The following SLC12A1 variants were observed in gnomAD, a reference collection of about 807,000 sequenced individuals.
SLC12A1 encodes the protein solute carrier family 12 member 1, also known as Na-K-2Cl cotransporter.
In SLC12A1, 89 loss-of-function variants were observed where a neutral mutation model predicts 130.4. The ratio of observed to expected loss-of-function variants is 0.68; its 90% CI spans 0.58 to 0.81. The LOEUF (loss-of-function observed/expected upper bound fraction) is 0.81, where lower values mean the gene tolerates loss of function less well. Among genes scored for constraint, SLC12A1 ranks in the 40% least tolerant of loss-of-function variants. The pLI is 0.00. For missense variants in SLC12A1, 1,310 were observed against 1,336.4 expected (o/e 0.98, Z 0.31); for synonymous variants, 499 against 460.0 (o/e 1.08, Z -1.09).
chr15:48,262,421 G>GATTTGAAATTAATTTCAAATAATCATT (rs1245248030), intron 17 of SLC12A1, among the ~76,000 whole-genome samples: 74 of 152,242 alleles, frequency 4.9e-4, no homozygotes, highest in African/African-American at 1.3e-3. Flanking sequence ...ATCATTATTT[G>GATTTGAAATTAATTTCAAATAATCATT]ATTTGAAATT....
intron 19 of SLC12A1, among the ~76,000 whole-genome samples, 166 bp from the exon 20 acceptor site, chr15:48,274,405 G>A (rs1016185676): frequency 6.6e-6 from 1 of 152,034 alleles, no homozygotes; most frequent in Non-Finnish European, 1.5e-5. Flanking sequence ...AAACGCATAG[G>A]GGAAGAACAA....
chr15:48,259,206 G>T lies in SLC12A1; in HGVS notation c.2049G>T (p.Gln683His), dbSNP rs865827656. The change falls in exon 17 of 27, where the codon CAG becomes CAT. Residue 683 changes from glutamine to histidine, a missense_variant. Coordinates refer to ENST00000380993, the MANE Select transcript of SLC12A1 (RefSeq NM_000338.3). ...ATCTTTTTTTTACTTCCAGGCCCCA[G>T]TGCATTGTCTTAACAGGGGGACCCA... ...VEDHVKNFRPQCIVLTGGPMT... is the reference protein window; with the variant it reads ...VEDHVKNFRPHCIVLTGGPMT... The T allele has an allele frequency of 1.9e-6, 3 of 1,608,752 alleles. No individual in the cohort carries two copies. The highest frequency in any genetic ancestry group is 1.7e-4 in the Middle Eastern group (1 of 6,048).
chr15:48,288,458 T>C lies in SLC12A1; in HGVS notation c.2815T>C (p.Cys939Arg), dbSNP rs2042083066. 1.3e-6 allele frequency: 2 copies of C among 1,555,752 alleles called. No homozygotes were observed. Among genetic ancestry groups the C allele is most frequent in the Admixed American group, 1.9e-5 (1 of 51,954 alleles). Residue 939 changes from cysteine (C) to arginine (R), a missense_variant, in exon 23 of 27, where the codon TGT becomes CGT. Cys to Arg is a radical substitution (Grantham distance 180). Transcript: ENST00000380993. ...ILTLRKKWKD[C>R]KLRIYVGGKI... ...AACTCTCAGAAAAAAATGGAAAGAC[T>C]GTAAATTAAGAATCTATGTGGGAGG...
chr15:48,218,372 G>A (rs886833520), intron 2 of SLC12A1, among the ~76,000 whole-genome samples: 13 of 151,910 alleles, frequency 8.6e-5, no homozygotes, highest in African/African-American at 2.7e-4. Flanking sequence ...CACTCACCTC[G>A]GGAAGGAAAA....
chr15:48,256,313 T>A (rs559648987), intron 16 of SLC12A1, among the ~76,000 whole-genome samples: 6 of 152,358 alleles, frequency 3.9e-5, no homozygotes, highest in Middle Eastern at 3.4e-3. Context: ...TTGTATCTTA[T>A]TTTGAATAAA....
chr15:48,216,599 C>T (rs2041124580), intron 2 of SLC12A1, among the ~76,000 whole-genome samples: 1 of 152,212 alleles, frequency 6.6e-6, no homozygotes, highest in African/African-American at 2.4e-5. Flanking sequence ...AAATTGCCCT[C>T]TCCCAAAGTG....
chr15:48,291,813 T>A lies in SLC12A1; in HGVS notation c.2909T>A (p.Phe970Tyr). 1 of 1,571,066 alleles carries A rather than the reference T, an allele frequency of 6.4e-7. No homozygotes were observed. The highest frequency in any genetic ancestry group is 1.2e-5 in the South Asian group (1 of 85,174). ...CTTCTGAGCAAATTTAGGATAAAAT[T>A]TGCAGACATCCATATCATCGGTGAC... ...ASLLSKFRIK[F>Y]ADIHIIGDIN... The change falls in exon 24 of 27, where the codon TTT (phenylalanine) becomes TAT (tyrosine). Residue 970 changes from phenylalanine (F) to tyrosine (Y), a missense_variant. Coordinates refer to ENST00000380993, the MANE Select transcript of SLC12A1 (RefSeq NM_000338.3).
chr15:48,207,790 G>A lies in SLC12A1; in HGVS notation c.71G>A (p.Ser24Asn), dbSNP rs35342218. 1,104 of 1,613,482 alleles carry A rather than the reference G, an allele frequency of 6.8e-4. 5 individuals carry two copies. In the African/African-American group the frequency reaches 0.014, roughly 20 times the overall value. ...AGTAATACCAATCGCTTTCAAGTTA[G>A]TGTCATAAATGAGAACCATGAGAGC... The part of the protein sequence containing the change: ...VPSNTNRFQV[S>N]VINENHESSA... Residue 24 changes from serine (S) to asparagine (N), a missense_variant, in exon 2 of 27, where the codon AGT becomes AAT. Transcript: ENST00000380993.
intron 19 of SLC12A1, among the ~76,000 whole-genome samples, chr15:48,270,309 G>A (rs575285007): frequency 2.6e-5 from 4 of 152,244 alleles, no homozygotes; most frequent in South Asian, 2.1e-4. Flanking sequence ...GGAGACTTAG[G>A]ATGTAAGTAA....
intron 23 of SLC12A1, among the ~76,000 whole-genome samples, chr15:48,289,431 T>TATACA (rs60463295): frequency 8.2e-6 from 1 of 122,326 alleles, no homozygotes; most frequent in South Asian, 2.5e-4. Context: ...ATATATATAA[T>TATACA]GTATAACTAT....
chr15:48,287,811 A>G (rs2141114303), intron 21 of SLC12A1, among the ~76,000 whole-genome samples: 1 of 152,318 alleles, frequency 6.6e-6, no homozygotes, highest in Middle Eastern at 3.4e-3. Context: ...TATTATTATA[A>G]AGCTGTTTTA....
chr15:48,299,058 C>A, intron 24 of SLC12A1, 82 bp from the exon 25 acceptor site: 14 of 1,200,404 alleles, frequency 1.2e-5, no homozygotes, highest in Non-Finnish European at 1.4e-5. Context: ...CCACAGCCAG[C>A]AGAGCCAGTC....
intron 24 of SLC12A1, among the ~76,000 whole-genome samples, chr15:48,292,585 A>G (rs550732944): frequency 2.0e-5 from 3 of 152,154 alleles, no homozygotes; most frequent in Non-Finnish European, 2.9e-5. Context: ...AACAACAGAC[A>G]TTTATTTCTC....
chr15:48,223,704 AAAC>A, intron 4 of SLC12A1: 1 of 152,368 alleles, frequency 6.6e-6, no homozygotes, highest in African/African-American at 2.4e-5. Flanking sequence ...GTCAGGAGCA[AAAC>A]AAGTGCAGAA....
intron 15 of SLC12A1, 150 bp from the exon 16 acceptor site, chr15:48,255,661 A>G (rs2041699093): frequency 3.3e-6 from 2 of 604,950 alleles, no homozygotes; most frequent in Non-Finnish European, 5.9e-6. Context: ...GCTTTTTAGG[A>G]AATCCCACAC....
intron 2 of SLC12A1, among the ~76,000 whole-genome samples, chr15:48,219,627 A>G (rs1350537514): frequency 6.6e-6 from 1 of 152,102 alleles, no homozygotes; most frequent in Non-Finnish European, 1.5e-5. Context: ...AAGGAAAGAA[A>G]AAGAAAGAAA....
intron 18 of SLC12A1, among the ~76,000 whole-genome samples, chr15:48,268,375 T>C (rs1369877077): frequency 1.3e-5 from 2 of 152,058 alleles, no homozygotes; most frequent in Admixed American, 1.3e-4. Flanking sequence ...CCCTCAGAAA[T>C]TGTAGAGCTT....
intron 2 of SLC12A1, among the ~76,000 whole-genome samples, chr15:48,219,886 CTACAAAAAA>C (rs2041179317): frequency 6.6e-6 from 1 of 151,796 alleles, no homozygotes; most frequent in Admixed American, 6.6e-5. Context: ...AAGTCTGTCT[CTACAAAAAA>C]TACAAAAAAT....
chr15:48,261,050 T>A (rs1385229816), intron 17 of SLC12A1, among the ~76,000 whole-genome samples: 1 of 152,158 alleles, frequency 6.6e-6, no homozygotes. Context: ...TTTTAAAATC[T>A]TATCAAGCAC....
Sources: gnomAD v4.1 joint callset for allele counts (sites outside exome capture counted in the v4.1 genomes callset) on GRCh38, gnomAD v4.1.1 for gene constraint, MANE v1.5 for transcripts, NCBI Gene and HGNC (gene_info 2026-07-23, HGNC 2026-07-21) for gene names.